SYT1: variants seen among roughly 807,000 people sequenced by gnomAD.
SYT1 encodes synaptotagmin 1.
A neutral mutation model predicts 44.8 loss-of-function variants in SYT1; 8 were observed. The observed-to-expected ratio is 0.18, with a 90% confidence interval of 0.10 to 0.32. The LOEUF is 0.32. Among genes scored for constraint, SYT1 ranks in the 10% least tolerant of loss-of-function variants. The pLI, the probability that SYT1 is intolerant of heterozygous loss-of-function variation, is 1.00. For missense variants in SYT1, 286 were observed against 509.3 expected (o/e 0.56, Z 4.22); for synonymous variants, 154 against 188.8 (o/e 0.82, Z 1.51).
At chr12:78,892,426 A>C (rs1875110075) in intron 1 of SYT1, among the ~76,000 whole-genome samples, 1 of 151,742 alleles carries the variant, frequency 6.6e-6, no homozygotes, top group African/African-American at 2.4e-5. Flanking sequence ...AAAAGTTATA[A>C]ACCATTCTTC....
chr12:78,962,839 C>T (rs555143572), intron 1 of SYT1, among the ~76,000 whole-genome samples: 92 of 152,160 alleles, frequency 6.0e-4, no homozygotes, highest in Non-Finnish European at 9.3e-4. Flanking sequence ...ATTGCCCACC[C>T]GGCTTAACAA....
intron 4 of SYT1, among the ~76,000 whole-genome samples, chr12:79,263,826 C>T (rs190768662): frequency 6.6e-6 from 1 of 151,702 alleles, no homozygotes; most frequent in African/African-American, 2.4e-5. Flanking sequence ...GTCAAAACCA[C>T]CAAAAGAAAA....
At chr12:79,317,789 G>A (rs556387148) in intron 8 of SYT1, among the ~76,000 whole-genome samples, 52 of 152,256 alleles carry the variant, frequency 3.4e-4, no homozygotes, top group Admixed American at 2.5e-3. Context: ...GCAGTGCACC[G>A]CAGTGAGAGG....
chr12:79,350,283 C>T (rs1458030823), intron 8 of SYT1, among the ~76,000 whole-genome samples: 5 of 137,506 alleles, frequency 3.6e-5, no homozygotes, highest in Non-Finnish European at 7.6e-5. Flanking sequence ...GACGGAGTCT[C>T]GCTCTGTCGC....
intron 3 of SYT1, among the ~76,000 whole-genome samples, chr12:79,093,334 G>A (rs932764954): frequency 1.3e-5 from 2 of 151,630 alleles, no homozygotes; most frequent in African/African-American, 4.8e-5. Flanking sequence ...AACCAGAATG[G>A]CAATTTAAAG....
intron 3 of SYT1, among the ~76,000 whole-genome samples, chr12:79,052,896 T>C (rs187143496): frequency 0.023 from 3,490 of 152,250 alleles, 64 homozygotes; most frequent in Middle Eastern, 0.078. Context: ...GGAACACTTC[T>C]ACACTGTTGG....
At chr12:79,215,629 A>C (rs957151440) in intron 3 of SYT1, among the ~76,000 whole-genome samples, 1 of 152,136 alleles carries the variant, frequency 6.6e-6, no homozygotes, top group African/African-American at 2.4e-5. Context: ...CCAGGAGCTC[A>C]AGGCTGCAAT....
chr12:79,388,833 C>T (rs952352487), intron 9 of SYT1, among the ~76,000 whole-genome samples: 28 of 152,306 alleles, frequency 1.8e-4, no homozygotes, highest in African/African-American at 6.5e-4. Flanking sequence ...GGGCTAACTA[C>T]GTCATGGAAA....
rs372866597 is a variant in SYT1, at chr12:78,923,586, T to C, written c.-216-54213T>C. Among the ~76,000 whole-genome samples, 16 of 152,032 alleles carry C rather than the reference T, an allele frequency of 1.1e-4. 1 individual carries two copies. The highest frequency in any genetic ancestry group is 5.9e-4 in the Admixed American group (9 of 15,202). ...AAATTTATTTTGACATAATTTCAGA[T>C]TTCAGACGTTCAGAATAGAGACAAG... On this transcript the variant is annotated intron_variant, in intron 1 of 10. Transcript: ENST00000261205.
intron 3 of SYT1, among the ~76,000 whole-genome samples, chr12:79,047,862 A>C (rs1225846640): frequency 4.6e-5 from 7 of 151,864 alleles, no homozygotes; most frequent in Non-Finnish European, 1.5e-5. Flanking sequence ...TAATCTCACA[A>C]CTTAACTAAA....
At chr12:78,953,245 TG>T (rs1879056073) in intron 1 of SYT1, among the ~76,000 whole-genome samples, 1 of 151,966 alleles carries the variant, frequency 6.6e-6, no homozygotes, top group Non-Finnish European at 1.5e-5. Context: ...TAGGAATGAA[TG>T]ATATAGGGAA....
At chr12:79,011,818 G>A (rs1392347440) in intron 2 of SYT1, among the ~76,000 whole-genome samples, 1 of 151,900 alleles carries the variant, frequency 6.6e-6, no homozygotes, top group Non-Finnish European at 1.5e-5. Flanking sequence ...TATAAACATA[G>A]GTTTTCTTAA....
intron 3 of SYT1, among the ~76,000 whole-genome samples, chr12:79,194,419 A>T (rs1009588101): frequency 6.6e-6 from 1 of 151,424 alleles, no homozygotes; most frequent in Non-Finnish European, 1.5e-5. Flanking sequence ...AAAATTCTAC[A>T]CTCAGAAAGT....
chr12:79,124,289 G>A (rs117252113), intron 3 of SYT1, among the ~76,000 whole-genome samples: 13 of 152,236 alleles, frequency 8.5e-5, no homozygotes, highest in South Asian at 2.1e-4. Flanking sequence ...TAGATGCCTA[G>A]TGTTTTAATA....
intron 4 of SYT1, among the ~76,000 whole-genome samples, chr12:79,264,448 T>C (rs1051937364): frequency 2.0e-5 from 3 of 152,198 alleles, no homozygotes; most frequent in Non-Finnish European, 4.4e-5. Context: ...TGCATGTAAC[T>C]AGTTATTGAA....
chr12:78,921,508 G>T (rs958938123), intron 1 of SYT1, among the ~76,000 whole-genome samples: 1 of 151,798 alleles, frequency 6.6e-6, no homozygotes, highest in Non-Finnish European at 1.5e-5. Context: ...TTCTGTACAA[G>T]AAAGTCTGGT....
chr12:78,931,337 GA>G (rs1217394819), intron 1 of SYT1, among the ~76,000 whole-genome samples: 1,170 of 7,374 alleles, frequency 0.16, 48 homozygotes, highest in African/African-American at 0.19. Flanking sequence ...GGGAGGGAGG[GA>G]AGGAAGGAAG....
At chr12:78,999,000 G>T (rs147439431) in intron 2 of SYT1, among the ~76,000 whole-genome samples, 50 of 152,200 alleles carry the variant, frequency 3.3e-4, no homozygotes, top group African/African-American at 1.1e-3. Flanking sequence ...TGATAAAAAG[G>T]TCTCGTTTGT....
At chr12:79,293,380 TAAAATAAAATAAAATA>T (rs1879709189) in intron 6 of SYT1, among the ~76,000 whole-genome samples, 1 of 135,228 alleles carries the variant, frequency 7.4e-6, no homozygotes, top group East Asian at 2.1e-4. Context: ...TAAAATAAAA[TAAAATAAAATAAAATA>T]AAATAAAATA....
Sources: gnomAD v4.1 joint callset for allele counts (sites outside exome capture counted in the v4.1 genomes callset) on GRCh38, gnomAD v4.1.1 for gene constraint, MANE v1.5 for transcripts, NCBI Gene and HGNC (gene_info 2026-07-23, HGNC 2026-07-21) for gene names.